PDXK: variants seen among roughly 807,000 people sequenced by gnomAD.
PDXK encodes the protein pyridoxal kinase.
In PDXK, 15 loss-of-function variants were observed where a neutral mutation model predicts 43.2. That is an observed-to-expected ratio of 0.35 (90% CI 0.23 to 0.53). The LOEUF is 0.53. Ranked by LOEUF, PDXK falls within the 20% of genes least tolerant of loss-of-function variation. The pLI is 0.92. For missense variants in PDXK, 343 were observed against 417.0 expected, an observed-to-expected ratio of 0.82 and a Z score of 1.54; for synonymous variants, 172 against 165.4, an observed-to-expected ratio of 1.04 and a Z score of -0.31.
chr21:43,741,595 G>A, intron 2 of PDXK, 72 bp from the exon 3 acceptor site: 1 of 1,583,272 alleles, frequency 6.3e-7, no homozygotes, highest in Non-Finnish European at 8.6e-7. Flanking sequence ...AGAGTGGGCG[G>A]GTGTCAAGGG....
chr21:43,735,368 G>A lies in PDXK; in HGVS notation c.142+1245G>A, dbSNP rs113426459. Among the ~76,000 whole-genome samples the A allele has an allele frequency of 6.4e-3, 976 of 152,342 alleles. 12 individuals are homozygous for A. The highest frequency in any genetic ancestry group is 0.022 in the African/African-American group (926 of 41,580). On this transcript the variant is annotated intron_variant, in intron 2 of 10. Transcript: ENST00000291565. This position sits in a 1 kb window ranked among gnomAD's most constrained non-coding sequence, Gnocchi z 5.3. ...TCAGTGCTGGTTCAACATCCACACC[G>A]ACCCGGCTGCCCTTGCATGGATTCC... is the stretch of plus-strand genomic sequence containing the variant.
chr21:43,754,730 TG>T lies in PDXK; in HGVS notation c.760-965del, dbSNP rs960956987. 6.6e-6 allele frequency among the ~76,000 whole-genome samples: 1 copy of T among 152,032 alleles called. No homozygotes were observed. The highest frequency in any genetic ancestry group is 2.4e-5 in the African/African-American group (1 of 41,398). On this transcript the variant is annotated intron_variant, in intron 9 of 10. Transcript: ENST00000291565. The surrounding 1 kb of genome is among the most constrained non-coding windows in gnomAD (Gnocchi z 5.5). ...GAAGACAGGACACCTCTGTCACTAT[TG>T]GGTGCGCTGGGGAAGGAAGAGTTCA...
At chr21:43,733,248 TCCCC>T (rs2083345378) in intron 1 of PDXK, among the ~76,000 whole-genome samples, 1 of 35,064 alleles carries the variant, frequency 2.9e-5, no homozygotes, top group Non-Finnish European at 5.4e-5. Context: ...CCCCTCCCCA[TCCCC>T]ACCCCCCCCC....
chr21:43,733,726 G>A, intron 1 of PDXK: 3 of 1,061,506 alleles, frequency 2.8e-6, no homozygotes, highest in Non-Finnish European at 3.6e-6. Flanking sequence ...TCGTTTTATT[G>A]TTTGTTAGTC....
rs972836700 is a variant in PDXK at position 43,761,837 on chromosome 21, T to G, written c.*5774T>G. 6.5e-6 allele frequency: 1 copy of G among 153,212 alleles called. No homozygotes were observed. Among genetic ancestry groups the G allele is most frequent in the African/African-American group, 2.4e-5 (1 of 41,440 alleles). The allele number at this position is 153,212 out of a possible 1,614,324, so 9.5% of individuals were successfully genotyped here. On this transcript the variant is annotated 3_prime_UTR_variant, in exon 11 of 11. Coordinates refer to ENST00000291565, the MANE Select transcript of PDXK (RefSeq NM_003681.5). Reference sequence around the variant, plus strand: ...TCCCCATGAGGTGTCTGAAGCCCCTTCTTGGTGATGGGAGGCAGAGGTGCT... The same window carrying G: ...TCCCCATGAGGTGTCTGAAGCCCCTGCTTGGTGATGGGAGGCAGAGGTGCT...
At chr21:43,727,826 C>T (rs952731470) in intron 1 of PDXK, among the ~76,000 whole-genome samples, 13 of 152,168 alleles carry the variant, frequency 8.5e-5, no homozygotes, top group Non-Finnish European at 1.0e-4. Context: ...TTTTGCTGCA[C>T]GCTGTGGGGG....
chr21:43,733,717 C>T (rs1044368461), intron 1 of PDXK: 2 of 1,090,734 alleles, frequency 1.8e-6, no homozygotes, highest in Non-Finnish European at 2.3e-6. Context: ...GTATTGCCTT[C>T]GTTTTATTGT....
At position 43,719,182 on chromosome 21, in the gene PDXK, C is replaced by G. The variant is rs1461797957; in HGVS notation, c.-113C>G. On this transcript the variant is annotated 5_prime_UTR_variant, in exon 1 of 11. Transcript: ENST00000291565. ...GTCCGCCGCGCGCCAGAGCCAGAGT[C>G]GCAGCCGAGGGGAGCCGGGGCCGGA... The G allele has an allele frequency of 2.3e-6, 1 of 443,164 alleles. No individual in the cohort carries two copies. Among genetic ancestry groups the G allele is most frequent in the African/African-American group, 2.1e-5 (1 of 47,574 alleles). 27.5% of individuals were successfully genotyped at this position (443,164 alleles called of 1,614,324 possible).
In PDXK at chr21:43,760,697, G is replaced by C. The variant is rs1013636787; in HGVS notation, c.*4634G>C. ...AGCCAGTTTGTGTGGCCTGTGCCACGCTCCACAGTGCGTGGCTGGGCTCTG... is the reference window on the plus strand; with the variant it reads ...AGCCAGTTTGTGTGGCCTGTGCCACCCTCCACAGTGCGTGGCTGGGCTCTG... On this transcript the variant is annotated 3_prime_UTR_variant, in exon 11 of 11. Coordinates refer to ENST00000291565, the MANE Select transcript of PDXK (RefSeq NM_003681.5). 2 of 152,230 alleles carry C rather than the reference G, an allele frequency of 1.3e-5. No homozygotes were observed. Among genetic ancestry groups the C allele is most frequent in the Non-Finnish European group, 2.9e-5 (2 of 68,076 alleles). The allele number at this position is 152,230 out of a possible 1,614,324, so 9.4% of individuals were successfully genotyped here.
Position 43,758,339 on chromosome 21 carries a change from G to T in PDXK, c.*2276G>T. ...TCTTCTGTTTTCTTTGGCTGTATCA[G>T]CCGAACCAGGAGAGGCCTGGGCTGC... On this transcript the variant is annotated 3_prime_UTR_variant, in exon 11 of 11. Coordinates refer to ENST00000291565, the MANE Select transcript of PDXK (RefSeq NM_003681.5). The T allele has an allele frequency of 6.5e-6, 1 of 153,708 alleles. No homozygotes were observed. 9.5% of individuals were successfully genotyped at this position (153,708 alleles called of 1,614,324 possible).
rs113426459 is a variant in PDXK, at chr21:43,735,368, G to T, written c.142+1245G>T. ...TCAGTGCTGGTTCAACATCCACACCGACCCGGCTGCCCTTGCATGGATTCC... is the reference window on the plus strand; with the variant it reads ...TCAGTGCTGGTTCAACATCCACACCTACCCGGCTGCCCTTGCATGGATTCC... On this transcript the variant is annotated intron_variant, in intron 2 of 10. Transcript: ENST00000291565. This position sits in a 1 kb window ranked among gnomAD's most constrained non-coding sequence, Gnocchi z 5.3. Among the ~76,000 whole-genome samples, 459 of 152,340 alleles carry T rather than the reference G, an allele frequency of 3.0e-3. 1 individual carries two copies. The highest frequency in any genetic ancestry group is 5.0e-3 in the Non-Finnish European group (340 of 68,028).
chr21:43,727,800 T>C (rs1396662574), intron 1 of PDXK, among the ~76,000 whole-genome samples: 1 of 152,138 alleles, frequency 6.6e-6, no homozygotes, highest in Non-Finnish European at 1.5e-5. Context: ...ACTCTGGAGC[T>C]AGAATAAGGT....
rs2083359032 is a variant in PDXK, at chr21:43,733,789, C to T, written c.88-280C>T. On this transcript the variant is annotated intron_variant, in intron 1 of 10. Transcript: ENST00000291565. ...TTCTGGAATGATGCGTGAAGTGCTT[C>T]CCCATGGAGGTCCTGTGGGCTGGGC... The T allele has an allele frequency of 5.0e-6, 4 of 795,112 alleles. No individual in the cohort carries two copies. The South Asian group carries it at 7.5e-5, about 15-fold the overall frequency. 49.3% of individuals were successfully genotyped at this position (795,112 alleles called of 1,614,324 possible). A position where few individuals can be genotyped will look rare whatever the true frequency, so the allele number is the denominator to read the frequency against.
At chr21:43,753,435 C>T (rs1485161349) in intron 8 of PDXK, 148 bp from the exon 9 acceptor site, 1 of 664,640 alleles carries the variant, frequency 1.5e-6, no homozygotes. Context: ...CCATGCATGC[C>T]CTGAGCCCCC....
Position 43,732,861 on chromosome 21 carries a change from C to T in PDXK, c.88-1208C>T, listed in dbSNP as rs1279199727. Reference sequence around the variant, plus strand: ...CTCCTGGGCTCAGTGATCCTCCCACCTCAGCCTCCCGAGTAGCTGGGACTA... The same window carrying T: ...CTCCTGGGCTCAGTGATCCTCCCACTTCAGCCTCCCGAGTAGCTGGGACTA... On this transcript the variant is annotated intron_variant, in intron 1 of 10. Coordinates refer to ENST00000291565, the MANE Select transcript of PDXK (RefSeq NM_003681.5). The surrounding 1 kb of genome is among the most constrained non-coding windows in gnomAD (Gnocchi z 4.1). Among the ~76,000 whole-genome samples, 1 of 152,190 alleles carries T rather than the reference C, an allele frequency of 6.6e-6. No individual in the cohort carries two copies. Among genetic ancestry groups the T allele is most frequent in the Non-Finnish European group, 1.5e-5 (1 of 68,036 alleles).
rs2147322082 is a variant in PDXK at position 43,754,650 on chromosome 21, C to G, written c.759+931C>G. On this transcript the variant is annotated intron_variant, in intron 9 of 10. Coordinates refer to ENST00000291565, the MANE Select transcript of PDXK (RefSeq NM_003681.5). This position sits in a 1 kb window ranked among gnomAD's most constrained non-coding sequence, Gnocchi z 5.5. ...GTGGGTTCAGGTGGGAGGGAGGGGCCTGCCATCCCTTTGGAATGTGGGGCA... is the reference window on the plus strand; with the variant it reads ...GTGGGTTCAGGTGGGAGGGAGGGGCGTGCCATCCCTTTGGAATGTGGGGCA... 6.6e-6 allele frequency among the ~76,000 whole-genome samples: 1 copy of G among 152,296 alleles called. No homozygotes were observed. The highest frequency in any genetic ancestry group is 2.1e-4 in the South Asian group (1 of 4,822).
chr21:43,733,560 C>T (rs1208711465), intron 1 of PDXK: 4 of 677,504 alleles, frequency 5.9e-6, no homozygotes, highest in Non-Finnish European at 5.5e-6. Context: ...CCTCACACAC[C>T]CACTCCCTGA....
chr21:43,746,021 G>A, intron 4 of PDXK, 58 bp from the exon 5 acceptor site: 1 of 1,293,058 alleles, frequency 7.7e-7, no homozygotes. Flanking sequence ...GAAATGTGGA[G>A]GGTTTCTTAC....
chr21:43,750,552 A>T lies in PDXK; in HGVS notation c.510+7A>T, dbSNP rs761239721. The T allele has an allele frequency of 5.0e-6, 8 of 1,611,910 alleles. No homozygotes were observed. The East Asian group carries it at 1.8e-4, about 36-fold the overall frequency. ...CCAGGAGGAAGCCTTGCGGGTAAGG[A>T]GGCCCTCTGGGGCCTGTGCGGGGCA... On this transcript the variant is annotated splice_region_variant and intron_variant, in intron 7 of 10. Transcript: ENST00000291565.
Sources: gnomAD v4.1 joint callset for allele counts (sites outside exome capture counted in the v4.1 genomes callset) on GRCh38, gnomAD v4.1.1 for gene constraint, Gnocchi (gnomAD v3.1) non-coding constraint, MANE v1.5 for transcripts, NCBI Gene and HGNC (gene_info 2026-07-23, HGNC 2026-07-21) for gene names.